Variants in SORCS2 observed in about 807,000 individuals in gnomAD.
SORCS2 encodes the protein sortilin related VPS10 domain containing receptor 2.
A neutral mutation model predicts 141.6 loss-of-function variants in SORCS2; 100 were observed. The observed-to-expected ratio is 0.71, with a 90% confidence interval of 0.60 to 0.83. The LOEUF is 0.83. SORCS2 is among the 40% of genes least tolerant of loss of function. The pLI, the probability that SORCS2 is intolerant of heterozygous loss-of-function variation, is 0.00. For missense variants in SORCS2, 1,646 were observed against 1,560.2 expected (o/e 1.05, Z -0.93); for synonymous variants, 789 against 676.9 (o/e 1.17, Z -2.57).
intron 3 of SORCS2, among the ~76,000 whole-genome samples, chr4:7,564,227 T>A (rs896941595): frequency 6.6e-6 from 1 of 152,224 alleles, no homozygotes; most frequent in African/African-American, 2.4e-5. Context: ...TGTCCCTCTA[T>A]GAAGTGGACA....
chr4:7,683,049 TC>T (rs1343871070), intron 10 of SORCS2, among the ~76,000 whole-genome samples, 160 bp downstream of exon 10: 1 of 152,202 alleles, frequency 6.6e-6, no homozygotes, highest in Non-Finnish European at 1.5e-5. Flanking sequence ...CAAATGAAAC[TC>T]CTTGTTTTAC....
chr4:7,620,396 G>A (rs941797034), intron 3 of SORCS2, among the ~76,000 whole-genome samples: 4 of 152,186 alleles, frequency 2.6e-5, no homozygotes, highest in African/African-American at 9.7e-5. Context: ...CCTGCCTGCA[G>A]CCCACGCTGT....
intron 1 of SORCS2, among the ~76,000 whole-genome samples, chr4:7,316,252 ATG>A (rs1560186905): frequency 2.0e-5 from 3 of 152,014 alleles, no homozygotes; most frequent in Non-Finnish European, 4.4e-5. Context: ...CCATCCATCC[ATG>A]CATCCATTCG....
intron 1 of SORCS2, among the ~76,000 whole-genome samples, chr4:7,373,480 T>TATATATAA (rs57386577): frequency 2.4e-4 from 3 of 12,324 alleles, no homozygotes; most frequent in African/African-American, 6.5e-4. Flanking sequence ...ATATATATAT[T>TATATATAA]TTTTTTTTTT....
At chr4:7,660,536 A>G (rs755169996) in intron 5 of SORCS2, among the ~76,000 whole-genome samples, 2 of 152,224 alleles carry the variant, frequency 1.3e-5, no homozygotes, top group Non-Finnish European at 2.9e-5. Flanking sequence ...CAGATGGGAC[A>G]TCTAGACTCG....
rs542157800 is a variant in SORCS2 at position 7,330,607 on chromosome 4, A to G, written c.481-65681A>G. Among the ~76,000 whole-genome samples, 15 of 151,910 alleles carry G rather than the reference A, an allele frequency of 9.9e-5. No individual in the cohort carries two copies. The South Asian group carries it at 3.1e-3, about 32-fold the overall frequency. On this transcript the variant is annotated intron_variant, in intron 1 of 26. Transcript: ENST00000507866. Reference sequence around the variant, plus strand: ...ATGGCACCTCTGGAATTTAGAAATGAAATGGACATTTAGAAACAACGGCTA... The same window carrying G: ...ATGGCACCTCTGGAATTTAGAAATGGAATGGACATTTAGAAACAACGGCTA...
intron 1 of SORCS2, among the ~76,000 whole-genome samples, chr4:7,259,677 G>A (rs552813083): frequency 6.6e-6 from 1 of 152,246 alleles, no homozygotes. Context: ...TGTGCCCGAG[G>A]AGGAGGTGGT....
Position 7,409,177 on chromosome 4 carries a change from A to G in SORCS2, c.548+12822A>G, listed in dbSNP as rs569757836. Among the ~76,000 whole-genome samples the G allele has an allele frequency of 4.6e-5, 7 of 152,274 alleles. No individual in the cohort carries two copies. In the South Asian group the frequency reaches 6.2e-4, roughly 14 times the overall value. On this transcript the variant is annotated intron_variant, in intron 2 of 26. Transcript: ENST00000507866. The stretch of plus-strand genomic sequence containing the variant: ...TGCATTAAAGGATTCATTATTTACT[A>G]TAGTCTTCTCTGTCTGACTTGTTTT...
Position 7,360,207 on chromosome 4 carries a change from A to G in SORCS2, c.481-36081A>G, listed in dbSNP as rs555283466. 3.3e-5 allele frequency among the ~76,000 whole-genome samples: 5 copies of G among 152,248 alleles called. No homozygotes were observed. The South Asian group carries it at 1.0e-3, about 32-fold the overall frequency. On this transcript the variant is annotated intron_variant, in intron 1 of 26. Transcript: ENST00000507866. ...CCGGGCAGGTTTTCTTTCTGCATTC[A>G]CTTATACAGTCTTCGGAATCATATC... is the stretch of plus-strand genomic sequence containing the variant.
intron 3 of SORCS2, among the ~76,000 whole-genome samples, chr4:7,600,325 G>A (rs1475145163): frequency 1.3e-5 from 2 of 152,128 alleles, no homozygotes; most frequent in South Asian, 2.1e-4. Flanking sequence ...TCAAGGTGTC[G>A]CTGCTACAGT....
At chr4:7,548,604 C>A (rs1713449278) in intron 3 of SORCS2, among the ~76,000 whole-genome samples, 2 of 152,090 alleles carry the variant, frequency 1.3e-5, no homozygotes, top group African/African-American at 2.4e-5. Flanking sequence ...GGGCTTTGAA[C>A]CCTGGGCATC....
chr4:7,527,057 G>A (rs1196686684), intron 2 of SORCS2, among the ~76,000 whole-genome samples: 1 of 152,166 alleles, frequency 6.6e-6, no homozygotes, highest in Non-Finnish European at 1.5e-5. Flanking sequence ...CGGGTCAGTG[G>A]TGCTGCCCGA....
At chr4:7,655,625 C>T (rs1342481216) in intron 5 of SORCS2, among the ~76,000 whole-genome samples, 1 of 152,240 alleles carries the variant, frequency 6.6e-6, no homozygotes, top group Admixed American at 6.5e-5. Context: ...CGACGGCCGT[C>T]TGTCTGCGGA....
chr4:7,593,642 C>G (rs1019478039), intron 3 of SORCS2, among the ~76,000 whole-genome samples: 5 of 151,928 alleles, frequency 3.3e-5, no homozygotes, highest in Non-Finnish European at 7.4e-5. Flanking sequence ...CAGCCGAAAC[C>G]TGGCCAACCT....
At position 7,680,645 on chromosome 4, in the gene SORCS2, C is replaced by G. The variant is rs900144212; in HGVS notation, c.1342-2098C>G. On this transcript the variant is annotated intron_variant, in intron 9 of 26. Transcript: ENST00000507866. The stretch of plus-strand genomic sequence containing the variant: ...TGCAGATAATACAGGCAGCTGAATG[C>G]TCTGTGCATGGATTTGCCACATGTA... 2.0e-5 allele frequency among the ~76,000 whole-genome samples: 3 copies of G among 152,380 alleles called. No homozygotes were observed. In the South Asian group the frequency reaches 6.2e-4, roughly 32 times the overall value.
intron 10 of SORCS2, among the ~76,000 whole-genome samples, chr4:7,688,636 G>T (rs1402579571): frequency 6.6e-6 from 1 of 152,200 alleles, no homozygotes; most frequent in African/African-American, 2.4e-5. Flanking sequence ...GGTACGAGGA[G>T]TCCAAGCCCT....
intron 1 of SORCS2, among the ~76,000 whole-genome samples, chr4:7,385,900 T>C (rs1417644618): frequency 6.6e-6 from 1 of 152,172 alleles, no homozygotes; most frequent in Non-Finnish European, 1.5e-5. Context: ...ACCGAATGCT[T>C]CCACCAGCAT....
chr4:7,478,671 C>T (rs577835792), intron 2 of SORCS2, among the ~76,000 whole-genome samples: 177 of 152,324 alleles, frequency 1.2e-3, no homozygotes, highest in Middle Eastern at 3.4e-3. Flanking sequence ...GAACTTTGCA[C>T]ACGGCTTCCT....
intron 1 of SORCS2, among the ~76,000 whole-genome samples, chr4:7,260,287 A>G (rs1714231008): frequency 6.6e-6 from 1 of 152,034 alleles, no homozygotes; most frequent in South Asian, 2.1e-4. Flanking sequence ...TGGCCACTCA[A>G]AGGGGTCTGC....
Sources: allele counts gnomAD v4.1 joint callset (sites outside exome capture counted in the v4.1 genomes callset), GRCh38; gene constraint gnomAD v4.1.1; transcripts MANE v1.5; gene names NCBI Gene and HGNC (gene_info 2026-07-23, HGNC 2026-07-21).